HS1BP3: variants seen among roughly 807,000 people sequenced by gnomAD.
HS1BP3 encodes HCLS1-binding protein 3.
A neutral mutation model predicts 33.5 loss-of-function variants in HS1BP3; 32 were observed. The observed-to-expected ratio is 0.95, with a 90% confidence interval of 0.72 to 1.28. HS1BP3 has a LOEUF of 1.28. Among genes scored for constraint, HS1BP3 ranks in the 50% most tolerant of loss-of-function variants. The pLI, the probability that HS1BP3 is intolerant of heterozygous loss-of-function variation, is 0.00. For synonymous variants in HS1BP3, 187 were observed against 209.2 expected (o/e 0.89, Z 0.92); for missense variants, 486 against 502.3 (o/e 0.97, Z 0.31).
intron 1 of HS1BP3, among the ~76,000 whole-genome samples, chr2:20,646,569 G>A (rs571218748): frequency 3.3e-4 from 50 of 152,368 alleles, no homozygotes; most frequent in Admixed American, 2.7e-3. Context: ...CAATGACTGA[G>A]TGCTGTACAC....
At chr2:20,632,410 C>G (rs1694996997) in intron 4 of HS1BP3, among the ~76,000 whole-genome samples, 1 of 152,202 alleles carries the variant, frequency 6.6e-6, no homozygotes, top group African/African-American at 2.4e-5. Flanking sequence ...CGAGAGTGAA[C>G]AGGTGAGGGC....
intron 5 of HS1BP3, among the ~76,000 whole-genome samples, chr2:20,577,806 C>T (rs1335320690): frequency 6.6e-6 from 1 of 152,236 alleles, no homozygotes; most frequent in Non-Finnish European, 1.5e-5. Context: ...GTCTAAGCTA[C>T]ACTCCCCGGC....
At chr2:20,601,185 G>C (rs1376679955) in intron 2 of HS1BP3, among the ~76,000 whole-genome samples, 1 of 152,166 alleles carries the variant, frequency 6.6e-6, no homozygotes, top group Non-Finnish European at 1.5e-5. Context: ...CTGATCTTCA[G>C]GGCTATTGGC....
Position 20,645,352 on chromosome 2 carries a change from G to A in HS1BP3, c.186C>T (p.Val62=), listed in dbSNP as rs776813513. 1.5e-5 allele frequency: 24 copies of A among 1,613,482 alleles called. No homozygotes were observed. Among genetic ancestry groups the A allele is most frequent in the African/African-American group, 2.7e-5 (2 of 74,934 alleles). ...GCCTCCGGCTCACCAAGAACTGGAC[G>A]ACATCCTCGGGCCTGTGCTTGGCCG... The part of the protein sequence containing the change: ...FKSAKHRPED[V]VQFLVSKKYS... The change falls in exon 2 of 7, where the codon GTC becomes GTT. Residue 62 remains valine (V), a synonymous_variant. Transcript: ENST00000304031.
At chr2:20,595,019 C>T (rs1416113230) in intron 3 of HS1BP3, among the ~76,000 whole-genome samples, 1 of 152,176 alleles carries the variant, frequency 6.6e-6, no homozygotes, top group Non-Finnish European at 1.5e-5. Context: ...ACACTCAGAT[C>T]ATAGCATCTC....
Position 20,638,432 on chromosome 2 carries a change from C to A in HS1BP3, c.623+4G>T. 6.2e-7 allele frequency: 1 copy of A among 1,613,540 alleles called. No individual in the cohort carries two copies. On this transcript the variant is annotated splice_donor_region_variant and intron_variant, in intron 4 of 6. Coordinates refer to ENST00000304031, the MANE Select transcript of HS1BP3 (RefSeq NM_022460.4). Reference sequence around the variant, plus strand: ...AGGGGCCCTCTCAACAACAGGAGACCAACCGCATAATGCCCAGAGGGTCCA... The same window carrying A: ...AGGGGCCCTCTCAACAACAGGAGACAAACCGCATAATGCCCAGAGGGTCCA...
intron 5 of HS1BP3, among the ~76,000 whole-genome samples, chr2:20,561,882 C>T (rs72796463): frequency 1.9e-4 from 29 of 152,222 alleles, no homozygotes; most frequent in Non-Finnish European, 3.4e-4. Context: ...AAGAACAAGA[C>T]GTGATTAGAA....
At chr2:20,590,503 C>T (rs758677802), downstream of HS1BP3, among the ~76,000 whole-genome samples, 2 of 152,242 alleles carry the variant, frequency 1.3e-5, no homozygotes, top group Non-Finnish European at 2.9e-5. Context: ...CACAGCCTCG[C>T]TCCCCTTGGC....
intron 5 of HS1BP3, among the ~76,000 whole-genome samples, chr2:20,579,006 T>C (rs971511422): frequency 5.0e-4 from 76 of 152,246 alleles, no homozygotes; most frequent in Non-Finnish European, 5.9e-5. Flanking sequence ...CTCCCAAGCC[T>C]CACAGGCTGA....
Position 20,626,456 on chromosome 2 carries a change from G to A in HS1BP3, c.624-1564C>T, listed in dbSNP as rs542902079. On this transcript the variant is annotated intron_variant, in intron 4 of 6. Transcript: ENST00000304031. ...CTGCCCAAGGCCACACAGCAGGGAA[G>A]GGACAGGCAGGCTGGGTCTAGATTG... 1.8e-3 allele frequency among the ~76,000 whole-genome samples: 279 copies of A among 152,366 alleles called. 1 individual carries two copies. Among genetic ancestry groups the A allele is most frequent in the African/African-American group, 6.2e-3 (257 of 41,600 alleles).
chr2:20,589,666 C>T (rs1387057954), downstream of HS1BP3, among the ~76,000 whole-genome samples: 1 of 152,192 alleles, frequency 6.6e-6, no homozygotes, highest in Non-Finnish European at 1.5e-5. Flanking sequence ...GCACCCCCAA[C>T]CCTGAGATTC....
intron 4 of HS1BP3, among the ~76,000 whole-genome samples, chr2:20,628,976 C>T (rs547462849): frequency 2.1e-4 from 32 of 152,190 alleles, no homozygotes; most frequent in African/African-American, 7.5e-4. Context: ...TGCTCATGGT[C>T]CATAGAAGAA....
intron 1 of HS1BP3, among the ~76,000 whole-genome samples, chr2:20,645,961 G>C (rs769636680): frequency 6.6e-6 from 1 of 152,182 alleles, no homozygotes; most frequent in African/African-American, 2.4e-5. Context: ...CCCTGGGGGG[G>C]ACACGGGACG....
intron 5 of HS1BP3, among the ~76,000 whole-genome samples, chr2:20,566,779 G>T (rs1019263769): frequency 1.3e-5 from 2 of 151,976 alleles, no homozygotes; most frequent in African/African-American, 4.8e-5. Flanking sequence ...GCTAATTTTT[G>T]TATTTTTAGT....
intron 5 of HS1BP3, among the ~76,000 whole-genome samples, chr2:20,565,091 C>G (rs1306244328): frequency 6.6e-6 from 1 of 152,192 alleles, no homozygotes; most frequent in Non-Finnish European, 1.5e-5. Context: ...AGGTTACCCA[C>G]TTCTTCCCAG....
chr2:20,603,396 T>C (rs1694109230), intron 2 of HS1BP3, among the ~76,000 whole-genome samples: 1 of 152,218 alleles, frequency 6.6e-6, no homozygotes, highest in South Asian at 2.1e-4. Context: ...TATCCAGCCC[T>C]AGAAAGGAAT....
intron 3 of HS1BP3, among the ~76,000 whole-genome samples, chr2:20,595,561 G>T (rs918421821): frequency 6.6e-6 from 1 of 152,206 alleles, no homozygotes; most frequent in East Asian, 1.9e-4. Flanking sequence ...AGTGATTCTG[G>T]CCACAGCCCG....
downstream of HS1BP3, among the ~76,000 whole-genome samples, chr2:20,557,661 A>G (rs973037506): frequency 1.3e-4 from 20 of 152,196 alleles, no homozygotes; most frequent in Non-Finnish European, 4.4e-5. Flanking sequence ...GAAAGCTGGA[A>G]AGACACAGAG....
chr2:20,604,522 C>T (rs1303144029), intron 2 of HS1BP3, among the ~76,000 whole-genome samples: 3 of 152,206 alleles, frequency 2.0e-5, no homozygotes, highest in Non-Finnish European at 4.4e-5. Flanking sequence ...GATTCCAGGA[C>T]ATGTCCTGAG....
Sources: gnomAD v4.1 joint callset for allele counts (sites outside exome capture counted in the v4.1 genomes callset) on GRCh38, gnomAD v4.1.1 for gene constraint, MANE v1.5 for transcripts, NCBI Gene and HGNC (gene_info 2026-07-23, HGNC 2026-07-21) for gene names.